Variants in TMEM232 observed in about 807,000 individuals in gnomAD.
TMEM232 encodes the protein transmembrane protein 232.
A neutral mutation model predicts 78.8 loss-of-function variants in TMEM232; 80 were observed. The ratio of observed to expected loss-of-function variants is 1.01; its 90% CI spans 0.85 to 1.22. The LOEUF (loss-of-function observed/expected upper bound fraction) is 1.22, where lower values mean the gene tolerates loss of function less well. TMEM232 is among the 50% of genes most tolerant of loss of function. The pLI is 0.00. For missense variants in TMEM232, 881 were observed against 742.2 expected (o/e 1.19, Z -2.17); for synonymous variants, 297 against 254.3 (o/e 1.17, Z -1.60).
At chr5:110,392,781 C>T (rs76078160) in intron 3 of TMEM232, among the ~76,000 whole-genome samples, 1,972 of 152,262 alleles carry the variant, frequency 0.013, 37 homozygotes, top group African/African-American at 0.045. Flanking sequence ...GGGACATGAA[C>T]AGTCAGTCAG....
At chr5:110,600,368 C>T (rs1223507151) in intron 10 of TMEM232, among the ~76,000 whole-genome samples, 1 of 152,050 alleles carries the variant, frequency 6.6e-6, no homozygotes, top group Non-Finnish European at 1.5e-5. Context: ...ATCAATGAAT[C>T]CAGGAGCTGG....
chr5:110,709,081 C>T (rs1392655358), intron 1 of TMEM232, among the ~76,000 whole-genome samples: 5 of 151,976 alleles, frequency 3.3e-5, no homozygotes, highest in Admixed American at 3.3e-4. Context: ...GAAGGAGTTG[C>T]TATACTTATT....
intron 11 of TMEM232, among the ~76,000 whole-genome samples, chr5:110,560,088 A>G (rs2149653024): frequency 6.6e-6 from 1 of 152,340 alleles, no homozygotes; most frequent in East Asian, 1.9e-4. Flanking sequence ...ATTCTGAAAT[A>G]GTAGGATTAG....
At chr5:110,546,357 G>T (rs1223824596) in intron 11 of TMEM232, among the ~76,000 whole-genome samples, 1 of 152,030 alleles carries the variant, frequency 6.6e-6, no homozygotes, top group African/African-American at 2.4e-5. Context: ...TTGTATTTAT[G>T]AAATTCAGTT....
At chr5:110,531,149 C>T (rs1164515680) in intron 11 of TMEM232, among the ~76,000 whole-genome samples, 1 of 151,360 alleles carries the variant, frequency 6.6e-6, no homozygotes, top group Admixed American at 6.6e-5. Context: ...GTGACCCCCA[C>T]TTCTGCCCGC....
chr5:110,610,248 G>GAGGAAGGAAGGGAGGAAGGA (rs1427420014), intron 8 of TMEM232, among the ~76,000 whole-genome samples: 1 of 137,958 alleles, frequency 7.2e-6, no homozygotes, highest in African/African-American at 3.1e-5. Context: ...GGAAGGAAGG[G>GAGGAAGGAAGGGAGGAAGGA]AGGAAGGGAG....
At chr5:110,694,824 G>GAGACTT (rs1561528893) in intron 1 of TMEM232, among the ~76,000 whole-genome samples, 2 of 152,086 alleles carry the variant, frequency 1.3e-5, no homozygotes, top group Non-Finnish European at 2.9e-5. Flanking sequence ...GACCTACAAA[G>GAGACTT]AGACTTAGAC....
chr5:110,599,522 G>C lies in TMEM232; in HGVS notation c.1276+5587C>G, dbSNP rs565738281. Among the ~76,000 whole-genome samples the C allele has an allele frequency of 5.9e-5, 9 of 152,196 alleles. No homozygotes were observed. The East Asian group carries it at 1.7e-3, about 29-fold the overall frequency. On this transcript the variant is annotated intron_variant, in intron 10 of 13. Coordinates refer to ENST00000455884, the MANE Select transcript of TMEM232 (RefSeq NM_001039763.4). ...CAAAAATGCAGGGATTGCAATCCTA[G>C]TCTCTGATGAAACAGACTTTAAGCC...
chr5:110,716,099 G>GTA (rs1183670817), intron 1 of TMEM232, among the ~76,000 whole-genome samples: 1 of 152,036 alleles, frequency 6.6e-6, no homozygotes, highest in Non-Finnish European at 1.5e-5. Flanking sequence ...TCCCTAAAAT[G>GTA]TATAAAACCA....
intron 12 of TMEM232, among the ~76,000 whole-genome samples, chr5:110,462,900 T>G (rs1435004375): frequency 6.6e-6 from 1 of 152,206 alleles, no homozygotes; most frequent in African/African-American, 2.4e-5. Context: ...TTTGAACATA[T>G]GTGGAGTTGC....
At chr5:110,468,842 T>C (rs1270769741) in intron 12 of TMEM232, among the ~76,000 whole-genome samples, 1 of 152,258 alleles carries the variant, frequency 6.6e-6, no homozygotes, top group African/African-American at 2.4e-5. Flanking sequence ...TTAACAACTA[T>C]ATTTGGATAA....
chr5:110,682,691 T>C (rs1250534137), intron 1 of TMEM232, among the ~76,000 whole-genome samples: 2 of 152,178 alleles, frequency 1.3e-5, no homozygotes, highest in African/African-American at 2.4e-5. Flanking sequence ...AAATGTAGTA[T>C]CTAGAATATA....
intron 1 of TMEM232, among the ~76,000 whole-genome samples, chr5:110,707,605 G>A (rs1485240637): frequency 1.3e-5 from 2 of 152,198 alleles, no homozygotes; most frequent in Non-Finnish European, 2.9e-5. Flanking sequence ...GCAATTCCCA[G>A]GCAACAACTA....
At chr5:110,498,951 A>T (rs898765619) in intron 12 of TMEM232, among the ~76,000 whole-genome samples, 3 of 152,316 alleles carry the variant, frequency 2.0e-5, no homozygotes, top group African/African-American at 7.2e-5. Flanking sequence ...TGGAATCCAA[A>T]GTCTCTACAA....
At chr5:110,490,126 AAAG>A (rs1270930931) in intron 12 of TMEM232, among the ~76,000 whole-genome samples, 1 of 43,302 alleles carries the variant, frequency 2.3e-5, no homozygotes, top group Non-Finnish European at 4.4e-5. Context: ...TTTCAAAAAG[AAAG>A]AAAGAAAGAA....
chr5:110,484,152 A>G (rs1179658454), intron 12 of TMEM232, among the ~76,000 whole-genome samples: 1 of 152,038 alleles, frequency 6.6e-6, no homozygotes, highest in African/African-American at 2.4e-5. Context: ...TAGATACTGG[A>G]GATTACTGGG....
At position 110,447,901 on chromosome 5, in the gene TMEM232, T is replaced by C. The variant is rs537430746; in HGVS notation, c.1704-22985A>G. On this transcript the variant is annotated intron_variant, in intron 12 of 13. Transcript: ENST00000455884. ...AAAACGAAGAGAGGGGAGATTAAAA[T>C]TGAATAAAAAGATGTTATTAAATCC... Among the ~76,000 whole-genome samples the C allele has an allele frequency of 5.3e-5, 8 of 152,144 alleles. No homozygotes were observed. In the East Asian group the frequency reaches 1.2e-3, roughly 22 times the overall value.
chr5:110,393,816 G>T (rs1755288620), intron 3 of TMEM232, among the ~76,000 whole-genome samples: 1 of 151,768 alleles, frequency 6.6e-6, no homozygotes. Flanking sequence ...AATTAGCCAG[G>T]CATGGTAGGC....
At chr5:110,663,996 C>T (rs756240150) in intron 2 of TMEM232, among the ~76,000 whole-genome samples, 19 of 151,894 alleles carry the variant, frequency 1.3e-4, no homozygotes, top group Non-Finnish European at 2.5e-4. Context: ...TTTATTTATC[C>T]GTGTATGGTG....
Sources: allele counts gnomAD v4.1 joint callset (sites outside exome capture counted in the v4.1 genomes callset), GRCh38; gene constraint gnomAD v4.1.1; transcripts MANE v1.5; gene names NCBI Gene and HGNC (gene_info 2026-07-23, HGNC 2026-07-21).